The following CDH13 variants were observed in gnomAD, a reference collection of about 807,000 sequenced individuals.
CDH13 encodes the protein cadherin 13, also known as cadherin-13.
Under a neutral mutation model 63.8 loss-of-function variants are expected in CDH13, and 24 were observed. The observed-to-expected ratio is 0.38, with a 90% confidence interval of 0.27 to 0.53. The LOEUF is 0.53. CDH13 is among the 20% of genes least tolerant of loss of function. The pLI is 0.85. For missense variants in CDH13, 1,049 were observed against 903.1 expected, an observed-to-expected ratio of 1.16 and a Z score of -2.07; for synonymous variants, 503 against 355.3, an observed-to-expected ratio of 1.42 and a Z score of -4.67.
intron 8 of CDH13, among the ~76,000 whole-genome samples, chr16:83,617,099 G>A (rs1401046528): frequency 6.6e-6 from 1 of 152,120 alleles, no homozygotes; most frequent in Non-Finnish European, 1.5e-5. Flanking sequence ...CCTTTCGCTT[G>A]TGGACTCACA....
chr16:82,937,381 CCTCTGTGTCTCT>C (rs1426513496), intron 2 of CDH13, among the ~76,000 whole-genome samples: 1 of 151,750 alleles, frequency 6.6e-6, no homozygotes, highest in Non-Finnish European at 1.5e-5. Flanking sequence ...TCTCTCTGTC[CCTCTGTGTCTCT>C]CTCTGTGTCT....
chr16:82,748,994 T>C (rs943865376), intron 1 of CDH13, among the ~76,000 whole-genome samples: 1 of 152,120 alleles, frequency 6.6e-6, no homozygotes, highest in Non-Finnish European at 1.5e-5. Flanking sequence ...TGAGAGTTCT[T>C]TGGGGGAAAT....
intron 6 of CDH13, among the ~76,000 whole-genome samples, chr16:83,475,197 G>A (rs1172498800): frequency 1.3e-5 from 2 of 152,248 alleles, no homozygotes; most frequent in Admixed American, 1.3e-4. Flanking sequence ...AAGGGGTTCT[G>A]TGCAACTGTG....
chr16:82,635,149 T>C (rs1055207334), intron 1 of CDH13, among the ~76,000 whole-genome samples: 3 of 152,338 alleles, frequency 2.0e-5, no homozygotes, highest in African/African-American at 2.4e-5. Flanking sequence ...GTGGTCCACA[T>C]TGTGGCTTGA....
chr16:83,428,051 C>A (rs927494340), intron 6 of CDH13, among the ~76,000 whole-genome samples: 1 of 152,138 alleles, frequency 6.6e-6, no homozygotes, highest in South Asian at 2.1e-4. Context: ...TGGTATATTT[C>A]CCCTTTGCAG....
rs559244447 is a variant in CDH13, at chr16:83,563,048, C to G, written c.961-39406C>G. On this transcript the variant is annotated intron_variant, in intron 7 of 13. Coordinates refer to ENST00000567109, the MANE Select transcript of CDH13 (RefSeq NM_001257.5). ...TAGAAGGACCATTGGATTAGCTGGTCTACAAGATTCCTTTCATGATCAGAA... is the reference window on the plus strand; with the variant it reads ...TAGAAGGACCATTGGATTAGCTGGTGTACAAGATTCCTTTCATGATCAGAA... Among the ~76,000 whole-genome samples, 40 of 152,264 alleles carry G rather than the reference C, an allele frequency of 2.6e-4. No homozygotes were observed. The South Asian group carries it at 7.5e-3, about 28-fold the overall frequency.
intron 7 of CDH13, among the ~76,000 whole-genome samples, chr16:83,597,395 G>A (rs931205564): frequency 3.9e-5 from 6 of 152,132 alleles, no homozygotes; most frequent in East Asian, 3.8e-4. Context: ...AAATTGTGTC[G>A]CTATGTAAAC....
intron 8 of CDH13, among the ~76,000 whole-genome samples, chr16:83,645,001 A>G (rs1911658771): frequency 6.6e-6 from 1 of 152,156 alleles, no homozygotes; most frequent in South Asian, 2.1e-4. Context: ...CCCACTCTTG[A>G]ACCTAACCCC....
intron 2 of CDH13, among the ~76,000 whole-genome samples, chr16:82,887,271 G>A (rs4485358): frequency 0.79 from 120,323 of 152,124 alleles, 47,638 homozygotes; most frequent in East Asian, 0.88. Context: ...CACAAAAGTA[G>A]TAAGAGTCTA....
chr16:82,633,737 G>A (rs1322881276), intron 1 of CDH13, among the ~76,000 whole-genome samples: 1 of 152,170 alleles, frequency 6.6e-6, no homozygotes, highest in African/African-American at 2.4e-5. Context: ...CTTGTGTGAT[G>A]TTTTTATATC....
At chr16:82,883,933 A>G (rs935745463) in intron 2 of CDH13, among the ~76,000 whole-genome samples, 1 of 152,154 alleles carries the variant, frequency 6.6e-6, no homozygotes, top group Non-Finnish European at 1.5e-5. Flanking sequence ...ATGCCTGTTC[A>G]TGAGCAAGTT....
At chr16:82,744,703 A>C (rs140463935) in intron 1 of CDH13, among the ~76,000 whole-genome samples, 1 of 152,272 alleles carries the variant, frequency 6.6e-6, no homozygotes, top group East Asian at 1.9e-4. Context: ...AGCACATGCT[A>C]GGCACTGCAG....
At chr16:82,916,499 G>C (rs1475709023) in intron 2 of CDH13, among the ~76,000 whole-genome samples, 1 of 152,046 alleles carries the variant, frequency 6.6e-6, no homozygotes, top group East Asian at 1.9e-4. Flanking sequence ...GTTTGAATCT[G>C]GGAGTTGGAG....
intron 5 of CDH13, among the ~76,000 whole-genome samples, chr16:83,318,311 T>C (rs1010793786): frequency 6.6e-6 from 1 of 152,226 alleles, no homozygotes; most frequent in Non-Finnish European, 1.5e-5. Flanking sequence ...TTAAATCTAA[T>C]CACTCCATTT....
chr16:83,179,804 A>G (rs2038275964), intron 4 of CDH13, among the ~76,000 whole-genome samples: 1 of 152,156 alleles, frequency 6.6e-6, no homozygotes, highest in African/African-American at 2.4e-5. Context: ...TAAAATACAA[A>G]TGACTTATAT....
At chr16:82,661,618 A>G (rs1417984237) in intron 1 of CDH13, among the ~76,000 whole-genome samples, 1 of 152,212 alleles carries the variant, frequency 6.6e-6, no homozygotes, top group Non-Finnish European at 1.5e-5. Context: ...TGCAACTCCA[A>G]AAGGATGGAT....
chr16:83,345,878 C>T (rs775528736), intron 6 of CDH13, among the ~76,000 whole-genome samples: 11 of 152,086 alleles, frequency 7.2e-5, no homozygotes, highest in Non-Finnish European at 1.3e-4. Context: ...AATAGTGATT[C>T]GTCAGACCAG....
chr16:82,688,677 G>A (rs1011362719), intron 1 of CDH13, among the ~76,000 whole-genome samples: 7 of 152,302 alleles, frequency 4.6e-5, no homozygotes, highest in East Asian at 3.9e-4. Context: ...ATAAAGATCC[G>A]AGGATGATCA....
chr16:82,743,567 C>A (rs2034030174), intron 1 of CDH13, among the ~76,000 whole-genome samples: 1 of 152,154 alleles, frequency 6.6e-6, no homozygotes, highest in Non-Finnish European at 1.5e-5. Context: ...GGAACAAATG[C>A]TCCAGCAAAG....
Sources: allele counts gnomAD v4.1 joint callset (sites outside exome capture counted in the v4.1 genomes callset), GRCh38; gene constraint gnomAD v4.1.1; transcripts MANE v1.5; gene names NCBI Gene and HGNC (gene_info 2026-07-23, HGNC 2026-07-21).